MCTP1: variants seen among roughly 807,000 people sequenced by gnomAD.
The protein encoded by MCTP1 is multiple C2 and transmembrane domain-containing protein 1.
A neutral mutation model predicts 120.6 loss-of-function variants in MCTP1; 69 were observed. The observed-to-expected ratio is 0.57, with a 90% confidence interval of 0.47 to 0.70. The LOEUF (loss-of-function observed/expected upper bound fraction) is 0.70. Ranked by LOEUF, MCTP1 falls within the 30% of genes least tolerant of loss-of-function variation. The pLI, the probability that MCTP1 is intolerant of heterozygous loss-of-function variation, is 0.00. For missense variants in MCTP1, 1,203 were observed against 1,248.8 expected (o/e 0.96, Z 0.55); for synonymous variants, 529 against 493.1 (o/e 1.07, Z -0.96).
intron 1 of MCTP1, among the ~76,000 whole-genome samples, chr5:95,131,053 C>A (rs1759004264): frequency 1.3e-5 from 2 of 152,166 alleles, no homozygotes; most frequent in Admixed American, 6.5e-5. Flanking sequence ...GTATTCAATC[C>A]ATTCTGAGAA....
intron 19 of MCTP1, among the ~76,000 whole-genome samples, chr5:94,735,202 G>A (rs912440180): frequency 9.9e-5 from 15 of 152,280 alleles, no homozygotes; most frequent in East Asian, 3.9e-4. Context: ...TTGCCAGGCC[G>A]TGTCACAGAC....
intron 1 of MCTP1, among the ~76,000 whole-genome samples, chr5:95,130,083 C>T (rs1466071951): frequency 6.6e-6 from 1 of 152,228 alleles, no homozygotes; most frequent in African/African-American, 2.4e-5. Flanking sequence ...AGTATCACCC[C>T]CTGTCCCCCA....
chr5:94,995,138 T>A (rs1417297844), intron 2 of MCTP1, among the ~76,000 whole-genome samples: 1 of 152,222 alleles, frequency 6.6e-6, no homozygotes, highest in East Asian at 1.9e-4. Flanking sequence ...ATCCTATTAG[T>A]TCTGTCCCTC....
intron 2 of MCTP1, among the ~76,000 whole-genome samples, chr5:94,982,815 G>A (rs1561967387): frequency 1.4e-5 from 2 of 147,432 alleles, no homozygotes; most frequent in Non-Finnish European, 3.0e-5. Flanking sequence ...CATGAACCTG[G>A]GAGGAAGAGG....
At chr5:94,717,398 A>G (rs1324399029) in intron 19 of MCTP1, among the ~76,000 whole-genome samples, 1 of 152,208 alleles carries the variant, frequency 6.6e-6, no homozygotes, top group Non-Finnish European at 1.5e-5. Flanking sequence ...ATTTATGACA[A>G]ACCCACAGCC....
intron 18 of MCTP1, 142 bp from the exon 19 acceptor site, chr5:94,779,305 A>T: frequency 2.8e-6 from 2 of 702,192 alleles, no homozygotes; most frequent in East Asian, 2.6e-5. Flanking sequence ...AGAGAGAGTG[A>T]TTAGGAAAAT....
At chr5:94,752,731 A>G (rs928255962) in intron 19 of MCTP1, among the ~76,000 whole-genome samples, 2 of 152,240 alleles carry the variant, frequency 1.3e-5, no homozygotes, top group African/African-American at 4.8e-5. Context: ...ACACAAAAAC[A>G]TCCAAGGAAA....
chr5:95,167,632 T>A (rs1429741592), intron 1 of MCTP1, among the ~76,000 whole-genome samples: 1 of 152,204 alleles, frequency 6.6e-6, no homozygotes, highest in Non-Finnish European at 1.5e-5. Flanking sequence ...CTCATTGTGG[T>A]TTTGATTTGC....
chr5:94,877,689 A>T (rs41425348), intron 12 of MCTP1: 11,848 of 152,162 alleles, frequency 0.078, 471 homozygotes, highest in Non-Finnish European at 0.09. Context: ...TGACATATTG[A>T]TAAAGAACTG....
intron 1 of MCTP1, among the ~76,000 whole-genome samples, chr5:95,058,824 G>A (rs1748139630): frequency 6.6e-6 from 1 of 152,110 alleles, no homozygotes; most frequent in Non-Finnish European, 1.5e-5. Flanking sequence ...GACAAAAAGA[G>A]CGATGATATG....
intron 1 of MCTP1, among the ~76,000 whole-genome samples, chr5:95,097,142 T>C (rs1756332344): frequency 6.6e-6 from 1 of 152,256 alleles, no homozygotes; most frequent in South Asian, 2.1e-4. Context: ...ATACTGCCTA[T>C]GATATCAATT....
chr5:95,209,413 G>A (rs1477309791), intron 1 of MCTP1, among the ~76,000 whole-genome samples: 1 of 151,892 alleles, frequency 6.6e-6, no homozygotes, highest in Non-Finnish European at 1.5e-5. Context: ...CTCTCCTTCT[G>A]TCACACCTAC....
intron 1 of MCTP1, among the ~76,000 whole-genome samples, chr5:95,114,740 A>AGAACACAAG (rs1757696234): frequency 6.6e-6 from 1 of 152,222 alleles, no homozygotes; most frequent in Admixed American, 6.5e-5. Flanking sequence ...GGTACTTGCC[A>AGAACACAAG]GAACACAAGC....
intron 2 of MCTP1, among the ~76,000 whole-genome samples, chr5:95,007,800 T>C (rs1218361396): frequency 6.6e-6 from 1 of 152,178 alleles, no homozygotes; most frequent in African/African-American, 2.4e-5. Context: ...ACATTCTTAT[T>C]CCACCTTGAA....
chr5:94,730,715 C>T (rs1385477223), intron 19 of MCTP1, among the ~76,000 whole-genome samples: 4 of 152,130 alleles, frequency 2.6e-5, no homozygotes, highest in Admixed American at 6.6e-5. Flanking sequence ...CATGAAAGTA[C>T]CCCTGGCGGT....
chr5:95,055,985 A>G (rs56386135), intron 1 of MCTP1, among the ~76,000 whole-genome samples: 9,148 of 152,300 alleles, frequency 0.06, 369 homozygotes, highest in African/African-American at 0.067. Flanking sequence ...AATGCAATAT[A>G]AATTATGCAA....
chr5:94,793,346 C>T (rs1428184755), intron 18 of MCTP1: 1 of 151,982 alleles, frequency 6.6e-6, no homozygotes, highest in African/African-American at 2.4e-5. Context: ...TCCTAGTGAT[C>T]GTGTTGGAAA....
At position 94,845,433 on chromosome 5, in the gene MCTP1, G is replaced by A. The variant is rs7710419; in HGVS notation, c.2436+22900C>T. 6.7e-3 allele frequency among the ~76,000 whole-genome samples: 1,026 copies of A among 152,312 alleles called. 17 individuals carry two copies. Among genetic ancestry groups the A allele is most frequent in the African/African-American group, 0.022 (922 of 41,566 alleles). On this transcript the variant is annotated intron_variant, in intron 17 of 22. Transcript: ENST00000515393. Reference sequence around the variant, plus strand: ...TTACTTCCCACTGTCTCCAAGACACGTGGGGATTATGGGAGCTACAATTTA... The same window carrying A: ...TTACTTCCCACTGTCTCCAAGACACATGGGGATTATGGGAGCTACAATTTA...
At chr5:95,277,173 A>C (rs754939907) in intron 1 of MCTP1, among the ~76,000 whole-genome samples, 1 of 152,114 alleles carries the variant, frequency 6.6e-6, no homozygotes, top group Non-Finnish European at 1.5e-5. Context: ...GGTGCGAAAA[A>C]TGGATACCCA....
Sources: gnomAD v4.1 joint callset for allele counts (sites outside exome capture counted in the v4.1 genomes callset) on GRCh38, gnomAD v4.1.1 for gene constraint, MANE v1.5 for transcripts, NCBI Gene and HGNC (gene_info 2026-07-23, HGNC 2026-07-21) for gene names.